The following PM20D2 variants were observed in gnomAD, a reference collection of about 807,000 sequenced individuals.
PM20D2 encodes xaa-Arg dipeptidase.
Under a neutral mutation model 42.9 loss-of-function variants are expected in PM20D2, and 33 were observed. The observed-to-expected ratio is 0.77, with a 90% confidence interval of 0.58 to 1.03. The LOEUF (loss-of-function observed/expected upper bound fraction) is 1.03, where lower values mean the gene tolerates loss of function less well. Ranked by LOEUF, PM20D2 falls within the 50% of genes least tolerant of loss-of-function variation. The probability of loss-of-function intolerance (pLI) is 0.00; values close to 1 mark genes in which losing one functional copy is unlikely to be tolerated. For synonymous variants in PM20D2, 250 were observed against 228.2 expected (o/e 1.10, Z -0.86); for missense variants, 548 against 557.0 (o/e 0.98, Z 0.16).
chr6:89,108,707 T>C, the PM20D2 span, among the ~76,000 whole-genome samples: 2 of 152,168 alleles, frequency 1.3e-5, no homozygotes, highest in African/African-American at 4.8e-5. Flanking sequence ...GAAGCAACTT[T>C]CAGGTTTAGA....
the PM20D2 span, among the ~76,000 whole-genome samples, chr6:89,115,144 C>A: frequency 6.6e-6 from 1 of 151,946 alleles, no homozygotes; most frequent in Admixed American, 6.6e-5. Flanking sequence ...GTCACCCAGG[C>A]TGGAGTACAG....
At chr6:89,157,768 G>A (rs1771099917) in intron 4 of PM20D2, among the ~76,000 whole-genome samples, 1 of 152,190 alleles carries the variant, frequency 6.6e-6, no homozygotes, top group African/African-American at 2.4e-5. Context: ...ACTTTGGGAG[G>A]CCGAGACGGG....
chr6:89,150,320 G>A (rs931403065), intron 2 of PM20D2, among the ~76,000 whole-genome samples: 2 of 152,106 alleles, frequency 1.3e-5, no homozygotes, highest in Non-Finnish European at 2.9e-5. Context: ...AAGGGTGGTG[G>A]TAAACTAGTC....
At chr6:89,114,062 C>T in the PM20D2 span, among the ~76,000 whole-genome samples, 4 of 152,326 alleles carry the variant, frequency 2.6e-5, no homozygotes, top group South Asian at 6.2e-4. Flanking sequence ...CATATCATCA[C>T]TCACCTGCTA....
At chr6:89,109,187 C>A in the PM20D2 span, among the ~76,000 whole-genome samples, 1 of 152,114 alleles carries the variant, frequency 6.6e-6, no homozygotes, top group African/African-American at 2.4e-5. Context: ...GACAGAGGCA[C>A]CCCAACCCGA....
At chr6:89,097,874 A>T in the PM20D2 span, 1 of 152,308 alleles carries the variant, frequency 6.6e-6, no homozygotes, top group Admixed American at 6.5e-5. Context: ...GCTCAGCCTA[A>T]TTTTTAAAGA....
the PM20D2 span, among the ~76,000 whole-genome samples, chr6:89,108,398 C>T: frequency 1.3e-5 from 2 of 152,164 alleles, no homozygotes; most frequent in African/African-American, 4.8e-5. Context: ...ACAGGTAATA[C>T]AGGCAGATTA....
the PM20D2 span, among the ~76,000 whole-genome samples, chr6:89,123,382 TTAAAA>T: frequency 1.3e-5 from 2 of 152,140 alleles, no homozygotes; most frequent in Non-Finnish European, 2.9e-5. Flanking sequence ...TCACTTTTAT[TTAAAA>T]AGAAAGCTCT....
chr6:89,146,656 G>C (rs1770578039), intron 1 of PM20D2, 47 bp downstream of exon 1: 1 of 1,325,482 alleles, frequency 7.5e-7, no homozygotes. Flanking sequence ...GCCCGGGTCG[G>C]GGGCGACCCG....
At chr6:89,109,270 C>T in the PM20D2 span, among the ~76,000 whole-genome samples, 3 of 152,220 alleles carry the variant, frequency 2.0e-5, no homozygotes, top group African/African-American at 7.2e-5. Context: ...CAGGACTTCA[C>T]AGGCAATTCT....
Position 89,149,125 on chromosome 6 carries a change from C to T in PM20D2, c.466-140C>T, listed in dbSNP as rs115989802. On this transcript the variant is annotated intron_variant, in intron 1 of 6. Coordinates refer to ENST00000275072, the MANE Select transcript of PM20D2 (RefSeq NM_001010853.3). Reference sequence around the variant, plus strand: ...TAGCACCATTTGTTGATGCCCATTGCGTAAGCGTCATAGAACAAAACCTGT... The same window carrying T: ...TAGCACCATTTGTTGATGCCCATTGTGTAAGCGTCATAGAACAAAACCTGT... The T allele has an allele frequency of 5.0e-4, 513 of 1,021,964 alleles. 2 individuals are homozygous for T. In the African/African-American group the frequency reaches 7.6e-3, roughly 15 times the overall value. 63.3% of individuals were successfully genotyped at this position (1,021,964 alleles called of 1,614,324 possible). A position where few individuals can be genotyped will look rare whatever the true frequency, so the allele number is the denominator to read the frequency against.
rs774609606 is a variant in PM20D2 at position 89,153,043 on chromosome 6, T to A, written c.615T>A (p.Asp205Glu). ...AAYLPDMAEHDVTVKYYGKAS... is the reference protein window; with the variant it reads ...AAYLPDMAEHEVTVKYYGKAS... ...TTTCAAATGATTTTTTATTTCCTAG[T>A]GTGACTGTGAAATACTATGGAAAAG... Residue 205 changes from aspartate to glutamate, a missense_variant and splice_region_variant, in exon 3 of 7, where the codon GAT becomes GAA. Asp to Glu is a conservative substitution (Grantham distance 45). Around this residue, in one of 3 missense-constraint regions of PM20D2, gnomAD observed 470 missense variants for 464.4 expected, o/e 1.01. Transcript: ENST00000275072. The A allele has an allele frequency of 6.3e-7, 1 of 1,587,380 alleles. No individual in the cohort carries two copies. Among genetic ancestry groups the A allele is most frequent in the Non-Finnish European group, 8.6e-7 (1 of 1,167,450 alleles).
At chr6:89,160,640 T>C (rs1771203721) in intron 5 of PM20D2, among the ~76,000 whole-genome samples, 1 of 152,232 alleles carries the variant, frequency 6.6e-6, no homozygotes, top group Admixed American at 6.5e-5. Context: ...TCAAATACTA[T>C]TTCTTGCCTC....
In PM20D2 at chr6:89,146,457, C is replaced by T; in HGVS notation, c.313C>T (p.Pro105Ser). ...EARAPSATPR[P>S]LHLGFLCEYD... is the part of the protein sequence containing the mutation. ...CCGGGCACCGAGCGCCACGCCACGC[C>T]CGCTGCACCTGGGCTTCCTCTGCGA... The change falls in exon 1 of 7, where the codon CCG becomes TCG. Residue 105 changes from proline (P) to serine (S), a missense_variant. By Grantham distance (74) the Pro-to-Ser change is moderately conservative (BLOSUM62 -1). Around this residue, in one of 3 missense-constraint regions of PM20D2, gnomAD observed 470 missense variants for 464.4 expected, o/e 1.01. Coordinates refer to ENST00000275072, the MANE Select transcript of PM20D2 (RefSeq NM_001010853.3). 6.6e-7 allele frequency: 1 copy of T among 1,523,432 alleles called. No homozygotes were observed. Among genetic ancestry groups the T allele is most frequent in the South Asian group, 1.2e-5 (1 of 82,616 alleles). 94.4% of individuals were successfully genotyped at this position (1,523,432 alleles called of 1,614,324 possible). A position where few individuals can be genotyped will look rare whatever the true frequency, so the allele number is the denominator to read the frequency against.
the PM20D2 span, among the ~76,000 whole-genome samples, chr6:89,113,871 G>A: frequency 6.6e-6 from 1 of 152,040 alleles, no homozygotes; most frequent in Non-Finnish European, 1.5e-5. Context: ...TCAAACTCCT[G>A]AGCTTAAGTG....
the PM20D2 span, among the ~76,000 whole-genome samples, chr6:89,128,768 C>T: frequency 6.6e-6 from 1 of 152,160 alleles, no homozygotes; most frequent in Non-Finnish European, 1.5e-5. Context: ...TCTCTTTGTA[C>T]TTTCTCTTTA....
intron 5 of PM20D2, among the ~76,000 whole-genome samples, chr6:89,159,426 A>G (rs899548538): frequency 6.6e-6 from 1 of 152,220 alleles, no homozygotes; most frequent in Non-Finnish European, 1.5e-5. Flanking sequence ...AATATGGTCT[A>G]GTGTCCACTG....
intron 3 of PM20D2, among the ~76,000 whole-genome samples, chr6:89,154,166 T>C (rs926130822): frequency 1.3e-5 from 2 of 152,154 alleles, no homozygotes; most frequent in Non-Finnish European, 2.9e-5. Context: ...TCATAGGACA[T>C]TGGATTTTTT....
At chr6:89,141,635 G>A (rs1770305121), upstream of PM20D2, among the ~76,000 whole-genome samples, 1 of 152,130 alleles carries the variant, frequency 6.6e-6, no homozygotes, top group Admixed American at 6.5e-5. Flanking sequence ...CAAAGTGCTG[G>A]GATTACAAGC....
Sources: gnomAD v4.1 joint callset for allele counts (sites outside exome capture counted in the v4.1 genomes callset) on GRCh38, gnomAD v4.1.1 for gene constraint, gnomAD v4.1.1 regional missense constraint, MANE v1.5 for transcripts, NCBI Gene and HGNC (gene_info 2026-07-23, HGNC 2026-07-21) for gene names.